Variants in ANKRD28 observed in about 807,000 individuals in gnomAD.
ANKRD28 encodes the protein serine/threonine-protein phosphatase 6 regulatory ankyrin repeat subunit A.
ANKRD28 carries 44 observed loss-of-function variants against 126.5 expected under a neutral mutation model. The ratio of observed to expected loss-of-function variants is 0.35; its 90% CI spans 0.27 to 0.45. ANKRD28 has a LOEUF of 0.45. Ranked by LOEUF, ANKRD28 falls within the 20% of genes least tolerant of loss-of-function variation. The pLI is 1.00. For synonymous variants in ANKRD28, 442 were observed against 468.5 expected (o/e 0.94, Z 0.73); for missense variants, 1,110 against 1,316.6 (o/e 0.84, Z 2.43).
At chr3:15,799,420 C>G (rs1034767034), upstream of ANKRD28, among the ~76,000 whole-genome samples, 29 of 151,776 alleles carry the variant, frequency 1.9e-4, no homozygotes, top group Non-Finnish European at 1.5e-5. Flanking sequence ...ATGGAAGAAG[C>G]AATAACTCTA....
intron 4 of ANKRD28, among the ~76,000 whole-genome samples, chr3:15,738,213 A>C (rs537552636): frequency 2.7e-4 from 41 of 152,254 alleles, no homozygotes; most frequent in African/African-American, 8.7e-4. Flanking sequence ...ATTTTCCCTA[A>C]GTGTCGGCTG....
chr3:15,840,828 G>T (rs1192976550), intron 1 of ANKRD28, among the ~76,000 whole-genome samples: 4 of 152,156 alleles, frequency 2.6e-5, no homozygotes, highest in African/African-American at 9.7e-5. Context: ...AGGAAAACTG[G>T]ATCTCTACAT....
At chr3:15,695,066 A>T in intron 16 of ANKRD28, 122 bp downstream of exon 16, 1 of 841,072 alleles carries the variant, frequency 1.2e-6, no homozygotes, top group Non-Finnish European at 1.9e-6. Flanking sequence ...GATTTCTGTC[A>T]CCGTCTTTGT....
At chr3:15,859,280 C>G (rs2061851864) in intron 1 of ANKRD28, 2 of 1,480,090 alleles carry the variant, frequency 1.4e-6, no homozygotes, top group African/African-American at 2.9e-5. Flanking sequence ...TCGCAACCAC[C>G]CCGCCGAGCG....
intron 1 of ANKRD28, among the ~76,000 whole-genome samples, chr3:15,841,608 A>G (rs1007088640): frequency 2.0e-5 from 3 of 152,228 alleles, no homozygotes; most frequent in African/African-American, 7.2e-5. Flanking sequence ...ACCCAATAAA[A>G]AAAAATGGGC....
At chr3:15,738,100 A>G (rs1278468790) in intron 4 of ANKRD28, among the ~76,000 whole-genome samples, 2 of 152,174 alleles carry the variant, frequency 1.3e-5, no homozygotes, top group African/African-American at 4.8e-5. Context: ...TAAGCAATAT[A>G]ATCAGAACTA....
intron 21 of ANKRD28, chr3:15,684,573 A>C (rs1281031869): frequency 6.6e-6 from 1 of 152,150 alleles, no homozygotes; most frequent in Non-Finnish European, 1.5e-5. Flanking sequence ...TTTTCCCCTA[A>C]TATGATTGTA....
chr3:15,721,246 T>C (rs1351937212), intron 7 of ANKRD28, 119 bp from the exon 8 acceptor site: 5 of 823,466 alleles, frequency 6.1e-6, no homozygotes, highest in African/African-American at 3.4e-5. Flanking sequence ...GGAGACAAGA[T>C]AAGTACAGAG....
At chr3:15,711,393 T>G in intron 11 of ANKRD28, 119 bp from the exon 12 acceptor site, 1 of 781,286 alleles carries the variant, frequency 1.3e-6, no homozygotes, top group Non-Finnish European at 2.1e-6. Context: ...TATGGGTTCT[T>G]AAGTGCTAGA....
chr3:15,712,568 A>G (rs537313332), intron 10 of ANKRD28, among the ~76,000 whole-genome samples: 44 of 152,320 alleles, frequency 2.9e-4, no homozygotes, highest in African/African-American at 1.1e-3. Flanking sequence ...CCAAATTGTG[A>G]CAACCAAAAA....
intron 15 of ANKRD28, 95 bp downstream of exon 15, chr3:15,696,039 T>C: frequency 3.5e-6 from 3 of 860,772 alleles, no homozygotes; most frequent in South Asian, 1.6e-5. Flanking sequence ...AAAAACAAAA[T>C]GGAATTTGTT....
At chr3:15,741,945 G>A (rs936901871) in intron 4 of ANKRD28, among the ~76,000 whole-genome samples, 12 of 151,864 alleles carry the variant, frequency 7.9e-5, no homozygotes, top group African/African-American at 2.9e-4. Flanking sequence ...CGCTGTGTTG[G>A]CCGGGCTGGT....
intron 13 of ANKRD28, among the ~76,000 whole-genome samples, chr3:15,709,190 T>C (rs575917754): frequency 1.3e-5 from 2 of 152,326 alleles, no homozygotes; most frequent in South Asian, 2.1e-4. Context: ...GAGAGATTTA[T>C]ATAGAAGAGG....
chr3:15,698,705 G>A (rs1228412267), intron 14 of ANKRD28, among the ~76,000 whole-genome samples: 2 of 152,050 alleles, frequency 1.3e-5, no homozygotes, highest in African/African-American at 2.4e-5. Flanking sequence ...ACCTCTTCAG[G>A]CAGAACTACA....
intron 4 of ANKRD28, among the ~76,000 whole-genome samples, chr3:15,745,325 T>G (rs1559458768): frequency 6.6e-6 from 1 of 152,234 alleles, no homozygotes; most frequent in Non-Finnish European, 1.5e-5. Context: ...TGATGTTATC[T>G]TCTAGAATCT....
intron 14 of ANKRD28, among the ~76,000 whole-genome samples, chr3:15,705,880 T>A (rs572409957): frequency 6.6e-6 from 1 of 152,166 alleles, no homozygotes; most frequent in Non-Finnish European, 1.5e-5. Context: ...GCACCTGTAG[T>A]CCCAGCTACT....
intron 2 of ANKRD28, among the ~76,000 whole-genome samples, chr3:15,778,641 G>A (rs2059404799): frequency 6.6e-6 from 1 of 152,012 alleles, no homozygotes; most frequent in African/African-American, 2.4e-5. Flanking sequence ...TACTCTCTTT[G>A]TTCCTAACTC....
chr3:15,673,620 A>G (rs558534856), intron 27 of ANKRD28, among the ~76,000 whole-genome samples: 1 of 152,364 alleles, frequency 6.6e-6, no homozygotes, highest in African/African-American at 2.4e-5. Flanking sequence ...TGGTAGGGGT[A>G]TCTAGCAAGT....
rs2060748224 is a variant in ANKRD28, at chr3:15,812,949, C to T, written c.28-17643G>A. Among the ~76,000 whole-genome samples, 1 of 152,024 alleles carries T rather than the reference C, an allele frequency of 6.6e-6. No homozygotes were observed. The highest frequency in any genetic ancestry group is 6.5e-5 in the Admixed American group (1 of 15,270). ...TTCACTCCAATTTGAAGAAAACAAT[C>T]AGGTAAACGGTGTGTTCCCAATAAT... is the stretch of plus-strand genomic sequence containing the variant. On this transcript the variant is annotated intron_variant, in intron 1 of 27. Transcript: ENST00000399451. The surrounding 1 kb of genome is among the most constrained non-coding windows in gnomAD (Gnocchi z 4.1).
Sources: gnomAD v4.1 joint callset for allele counts (sites outside exome capture counted in the v4.1 genomes callset) on GRCh38, gnomAD v4.1.1 for gene constraint, Gnocchi (gnomAD v3.1) non-coding constraint, MANE v1.5 for transcripts, NCBI Gene and HGNC (gene_info 2026-07-23, HGNC 2026-07-21) for gene names.